MRTFB: variants seen among roughly 807,000 people sequenced by gnomAD.
MRTFB encodes the protein myocardin-related transcription factor B.
MRTFB carries 29 observed loss-of-function variants against 104.2 expected under a neutral mutation model. That is an observed-to-expected ratio of 0.28 (90% CI 0.21 to 0.38). The LOEUF is 0.38. Ranked by LOEUF, MRTFB falls within the 10% of genes least tolerant of loss-of-function variation. MRTFB has a pLI of 1.00. For synonymous variants in MRTFB, 535 were observed against 519.5 expected (o/e 1.03, Z -0.41); for missense variants, 1,270 against 1,341.6 (o/e 0.95, Z 0.83).
At chr16:14,098,176 G>T (rs1596813046) in intron 2 of MRTFB, among the ~76,000 whole-genome samples, 2 of 152,242 alleles carry the variant, frequency 1.3e-5, no homozygotes, top group African/African-American at 4.8e-5. Context: ...CTGTTTCCAA[G>T]TTGTCATTTC....
intron 3 of MRTFB, among the ~76,000 whole-genome samples, chr16:14,159,324 T>C (rs1374812788): frequency 1.3e-5 from 2 of 152,212 alleles, no homozygotes; most frequent in African/African-American, 2.4e-5. Flanking sequence ...CTCAGTACTT[T>C]TGAAGGTACT....
intron 8 of MRTFB, among the ~76,000 whole-genome samples, chr16:14,226,411 G>A (rs1266558285): frequency 6.6e-6 from 1 of 152,160 alleles, no homozygotes; most frequent in Non-Finnish European, 1.5e-5. Flanking sequence ...CAACAAAGGT[G>A]CCAAGACCAT....
In MRTFB at chr16:14,210,360, G is replaced by A. The variant is rs142735323; in HGVS notation, c.220+52G>A. On this transcript the variant is annotated intron_variant, in intron 4 of 16. Transcript: ENST00000571589. ...CCTAACGTGACAGAACATGACGGGC[G>A]TGTCCAAGAAGAGCCTGCATCTTGC... 129 of 1,428,722 alleles carry A rather than the reference G, an allele frequency of 9.0e-5. No homozygotes were observed. The East Asian group carries it at 1.3e-3, about 14-fold the overall frequency. The allele number at this position is 1,428,722 out of a possible 1,614,324, so 88.5% of individuals were successfully genotyped here.
chr16:14,017,711 A>ATATATATTTTT, the MRTFB span, among the ~76,000 whole-genome samples: 1 of 33,612 alleles, frequency 3.0e-5, no homozygotes, highest in Non-Finnish European at 5.0e-5. Flanking sequence ...ATATATATAT[A>ATATATATTTTT]TTTTTTTTTT....
the MRTFB span, among the ~76,000 whole-genome samples, chr16:14,004,864 C>A: frequency 3.3e-5 from 5 of 152,264 alleles, no homozygotes; most frequent in African/African-American, 1.2e-4. Context: ...TTTCCATCTA[C>A]CCTGGTCAGC....
intron 13 of MRTFB, among the ~76,000 whole-genome samples, chr16:14,251,555 C>T (rs1447963455): frequency 2.6e-5 from 4 of 152,108 alleles, no homozygotes; most frequent in South Asian, 2.1e-4. Context: ...CACATATGCT[C>T]GAAAATAGGG....
the MRTFB span, among the ~76,000 whole-genome samples, chr16:13,995,053 G>A: frequency 6.6e-6 from 1 of 152,162 alleles, no homozygotes; most frequent in Non-Finnish European, 1.5e-5. Context: ...TTTTGGATTG[G>A]TGATTGCAGA....
the MRTFB span, chr16:14,018,810 A>G: frequency 6.6e-6 from 1 of 151,932 alleles, no homozygotes; most frequent in Non-Finnish European, 1.5e-5. Flanking sequence ...AAGAAGCCAC[A>G]TATTTTTTTT....
intron 2 of MRTFB, among the ~76,000 whole-genome samples, chr16:14,101,958 G>A (rs1045691192): frequency 1.3e-5 from 2 of 152,042 alleles, no homozygotes; most frequent in East Asian, 3.8e-4. Flanking sequence ...TTAAATCAAG[G>A]TACTATATTT....
chr16:14,221,608 A>C (rs1174375552), intron 8 of MRTFB, among the ~76,000 whole-genome samples: 2 of 152,176 alleles, frequency 1.3e-5, no homozygotes, highest in African/African-American at 4.8e-5. Context: ...AAGCAAGATA[A>C]TAAAAGAGCA....
chr16:14,141,370 A>C (rs1456929750), intron 3 of MRTFB: 3 of 151,266 alleles, frequency 2.0e-5, no homozygotes, highest in African/African-American at 7.4e-5. Context: ...GTCAATTTTT[A>C]ACATAAACAA....
chr16:14,076,829 G>A (rs1253812838), intron 1 of MRTFB, among the ~76,000 whole-genome samples: 2 of 152,112 alleles, frequency 1.3e-5, no homozygotes, highest in South Asian at 2.1e-4. Context: ...TGTCAGTCTC[G>A]TAGATGAAAA....
intron 3 of MRTFB, among the ~76,000 whole-genome samples, chr16:14,147,797 T>A (rs915800956): frequency 1.3e-5 from 2 of 152,230 alleles, no homozygotes; most frequent in African/African-American, 4.8e-5. Flanking sequence ...GTAATTTATT[T>A]AGTCTTTAAA....
At chr16:14,086,120 G>A (rs190876727) in intron 2 of MRTFB, among the ~76,000 whole-genome samples, 53 of 152,214 alleles carry the variant, frequency 3.5e-4, no homozygotes, top group Non-Finnish European at 5.9e-4. Flanking sequence ...TTTAAGTGTG[G>A]CTCCGCATTT....
At chr16:14,034,465 T>C in the MRTFB span, among the ~76,000 whole-genome samples, 1 of 152,016 alleles carries the variant, frequency 6.6e-6, no homozygotes, top group African/African-American at 2.4e-5. Context: ...AATACAAAAA[T>C]TAGCCAGGCG....
intron 1 of MRTFB, among the ~76,000 whole-genome samples, chr16:14,073,541 C>A (rs975339652): frequency 1.3e-5 from 2 of 152,128 alleles, no homozygotes; most frequent in African/African-American, 4.8e-5. Flanking sequence ...TGGTTAGTGG[C>A]GCTTTCATTG....
Position 14,247,465 on chromosome 16 carries a change from T to C in MRTFB, c.2205T>C (p.Ser735=), listed in dbSNP as rs781377996. The C allele has an allele frequency of 5.7e-5, 91 of 1,588,246 alleles. No individual in the cohort carries two copies. The highest frequency in any genetic ancestry group is 1.3e-5 in the Non-Finnish European group (15 of 1,171,954). ...LLLPVSIQGS[S]VTSVQLPVGS... is the part of the protein sequence containing the mutation. ...TCCCAGTGTCCATCCAGGGCTCGAG[T>C]GTCACCTCAGTGCAACTCCCTGTAG... The change falls in exon 12 of 17, where the codon AGT becomes AGC. Residue 735 remains serine, a synonymous_variant. Coordinates refer to ENST00000571589, the MANE Select transcript of MRTFB (RefSeq NM_001308142.2).
intron 2 of MRTFB, among the ~76,000 whole-genome samples, chr16:14,091,085 G>C (rs1182205969): frequency 3.3e-5 from 5 of 152,068 alleles, no homozygotes; most frequent in African/African-American, 4.8e-5. Context: ...GAGGTGATTG[G>C]ATCACTCTAG....
At chr16:14,135,262 C>CA (rs1425366858) in intron 2 of MRTFB, among the ~76,000 whole-genome samples, 1 of 152,184 alleles carries the variant, frequency 6.6e-6, no homozygotes, top group Non-Finnish European at 1.5e-5. Context: ...CTTTACCTTG[C>CA]AAATGGGCCA....
Sources: gnomAD v4.1 joint callset for allele counts (sites outside exome capture counted in the v4.1 genomes callset) on GRCh38, gnomAD v4.1.1 for gene constraint, MANE v1.5 for transcripts, NCBI Gene and HGNC (gene_info 2026-07-23, HGNC 2026-07-21) for gene names.